KCNH1: variants seen among roughly 807,000 people sequenced by gnomAD.
KCNH1 encodes the protein potassium voltage-gated channel subfamily H member 1.
In KCNH1, 27 loss-of-function variants were observed where a neutral mutation model predicts 69.2. The ratio of observed to expected loss-of-function variants is 0.39; its 90% CI spans 0.29 to 0.54. The LOEUF is 0.54. Ranked by LOEUF, KCNH1 falls within the 20% of genes least tolerant of loss-of-function variation. The pLI, the probability that KCNH1 is intolerant of heterozygous loss-of-function variation, is 0.68. For synonymous variants in KCNH1, 456 were observed against 487.7 expected (o/e 0.93, Z 0.86); for missense variants, 798 against 1,261.6 (o/e 0.63, Z 5.57).
chr1:211,036,746 C>T (rs1247481919), intron 5 of KCNH1, among the ~76,000 whole-genome samples: 1 of 147,634 alleles, frequency 6.8e-6, no homozygotes, highest in African/African-American at 2.5e-5. Context: ...CTCTTTTCTG[C>T]CCTTGTCAGT....
intron 5 of KCNH1, among the ~76,000 whole-genome samples, chr1:211,038,117 G>A (rs1423530736): frequency 1.3e-5 from 2 of 151,824 alleles, no homozygotes; most frequent in Non-Finnish European, 2.9e-5. Flanking sequence ...CCACCACCAC[G>A]CCTGGCTAAA....
At chr1:211,011,945 C>T (rs1341251525) in intron 6 of KCNH1, among the ~76,000 whole-genome samples, 1 of 152,210 alleles carries the variant, frequency 6.6e-6, no homozygotes, top group African/African-American at 2.4e-5. Context: ...GCGGCAACAT[C>T]ACAAACATCA....
intron 6 of KCNH1, among the ~76,000 whole-genome samples, chr1:210,936,840 C>G (rs753694639): frequency 1.3e-4 from 20 of 152,140 alleles, no homozygotes; most frequent in Non-Finnish European, 2.4e-4. Flanking sequence ...ACTCTGAAAT[C>G]TTACACACTA....
rs146680793 is a variant in KCNH1, at chr1:210,681,279, G to A, written c.*2002C>T. On this transcript the variant is annotated 3_prime_UTR_variant, in exon 11 of 11. Transcript: ENST00000271751. ...GCTTCTCAAGTGAAAGAGGCTGAAG[G>A]CCTCACAGCTTTATTCAAAGTCACA... The A allele has an allele frequency of 6.6e-6, 1 of 152,210 alleles. No individual in the cohort carries two copies. The highest frequency in any genetic ancestry group is 1.5e-5 in the Non-Finnish European group (1 of 68,040). 9.4% of individuals were successfully genotyped at this position (152,210 alleles called of 1,614,324 possible).
chr1:210,908,424 T>G (rs1687159651), intron 7 of KCNH1, among the ~76,000 whole-genome samples: 1 of 152,088 alleles, frequency 6.6e-6, no homozygotes, highest in Admixed American at 6.5e-5. Flanking sequence ...TCAATATAAT[T>G]AAACACCTGA....
chr1:210,699,757 T>C (rs1681729024), intron 10 of KCNH1, among the ~76,000 whole-genome samples: 1 of 152,216 alleles, frequency 6.6e-6, no homozygotes, highest in Non-Finnish European at 1.5e-5. Flanking sequence ...TAAAGAATAA[T>C]AAAAAGTTAA....
intron 9 of KCNH1, among the ~76,000 whole-genome samples, chr1:210,784,970 C>G (rs1684066396): frequency 6.6e-6 from 1 of 152,170 alleles, no homozygotes; most frequent in South Asian, 2.1e-4. Context: ...AGTTCAACAA[C>G]CTGGCCTTAC....
intron 5 of KCNH1, among the ~76,000 whole-genome samples, chr1:211,060,219 G>A (rs1005240624): frequency 4.0e-5 from 6 of 151,280 alleles, no homozygotes; most frequent in African/African-American, 9.7e-5. Flanking sequence ...AAAACCTATG[G>A]GATACAGCAA....
At chr1:210,943,509 C>T (rs1490618896) in intron 6 of KCNH1, among the ~76,000 whole-genome samples, 7 of 151,952 alleles carry the variant, frequency 4.6e-5, no homozygotes, top group Admixed American at 2.6e-4. Flanking sequence ...CCGCCACGCC[C>T]GGCTAATTTT....
At position 210,976,546 on chromosome 1, in the gene KCNH1, G is replaced by A. The variant is rs1344184024; in HGVS notation, c.1032+42237C>T. On this transcript the variant is annotated intron_variant, in intron 6 of 10. Transcript: ENST00000271751. ...CAACCATTGCGGAAGTCAGTGTGGCGATTCCTCAGGGATCTAGAACTAGAA... is the reference window on the plus strand; with the variant it reads ...CAACCATTGCGGAAGTCAGTGTGGCAATTCCTCAGGGATCTAGAACTAGAA... 3.5e-5 allele frequency among the ~76,000 whole-genome samples: 5 copies of A among 143,422 alleles called. 1 individual carries two copies. The highest frequency in any genetic ancestry group is 4.4e-4 in the East Asian group (2 of 4,546). 94.1% of individuals were successfully genotyped at this position (143,422 alleles called of 152,430 possible). A position where few individuals can be genotyped will look rare whatever the true frequency, so the allele number is the denominator to read the frequency against.
intron 5 of KCNH1, among the ~76,000 whole-genome samples, chr1:211,082,505 TCTAGCTC>T (rs1446502168): frequency 6.6e-6 from 1 of 152,180 alleles, no homozygotes; most frequent in African/African-American, 2.4e-5. Context: ...ATGAAGCACT[TCTAGCTC>T]CTCATAAAAG....
At chr1:211,004,130 G>T (rs556013545) in intron 6 of KCNH1, among the ~76,000 whole-genome samples, 110 of 152,080 alleles carry the variant, frequency 7.2e-4, no homozygotes, top group African/African-American at 2.6e-3. Flanking sequence ...AAGCAATCAT[G>T]AATCCAATCA....
chr1:210,790,336 T>C (rs1246486205), intron 9 of KCNH1, among the ~76,000 whole-genome samples: 1 of 152,162 alleles, frequency 6.6e-6, no homozygotes, highest in Non-Finnish European at 1.5e-5. Context: ...CTCACCGTTA[T>C]CTCTCTCACC....
intron 10 of KCNH1, among the ~76,000 whole-genome samples, chr1:210,720,497 T>C (rs893427569): frequency 7.9e-5 from 12 of 152,218 alleles, no homozygotes; most frequent in African/African-American, 2.9e-4. Context: ...CCAAGTTCGC[T>C]TGGGGACAGT....
intron 5 of KCNH1, among the ~76,000 whole-genome samples, chr1:211,026,461 A>T (rs1224942994): frequency 6.6e-6 from 1 of 152,042 alleles, no homozygotes; most frequent in Non-Finnish European, 1.5e-5. Flanking sequence ...GCCTCAAAAG[A>T]CAGAAAGCTG....
At chr1:210,774,934 C>G (rs920594841) in intron 10 of KCNH1, among the ~76,000 whole-genome samples, 1 of 152,146 alleles carries the variant, frequency 6.6e-6, no homozygotes, top group Non-Finnish European at 1.5e-5. Flanking sequence ...AGCTGGCAGG[C>G]TAATGGCTTC....
chr1:211,013,636 G>T (rs754519711), intron 6 of KCNH1, among the ~76,000 whole-genome samples: 5 of 152,198 alleles, frequency 3.3e-5, no homozygotes, highest in Non-Finnish European at 5.9e-5. Context: ...CCTCAAAACA[G>T]CTGCCATCAG....
At chr1:210,804,482 G>A (rs1340126) in intron 7 of KCNH1, among the ~76,000 whole-genome samples, 13,360 of 152,258 alleles carry the variant, frequency 0.088, 744 homozygotes, top group East Asian at 0.28. Context: ...GCGGGGGCGG[G>A]GTAAGTTGTA....
intron 7 of KCNH1, among the ~76,000 whole-genome samples, chr1:210,834,255 A>G (rs1227979063): frequency 1.3e-5 from 2 of 151,198 alleles, no homozygotes; most frequent in Non-Finnish European, 2.9e-5. Context: ...TTGTGGCACT[A>G]TTCACAATAG....
Sources: gnomAD v4.1 joint callset for allele counts (sites outside exome capture counted in the v4.1 genomes callset) on GRCh38, gnomAD v4.1.1 for gene constraint, MANE v1.5 for transcripts, NCBI Gene and HGNC (gene_info 2026-07-23, HGNC 2026-07-21) for gene names.